Variants in DDX4 observed in about 807,000 individuals in gnomAD.
DDX4 encodes the protein DEAD-box helicase 4.
A neutral mutation model predicts 100.0 loss-of-function variants in DDX4; 25 were observed. The ratio of observed to expected loss-of-function variants is 0.25; its 90% CI spans 0.18 to 0.35. The LOEUF is 0.35. DDX4 is among the 10% of genes least tolerant of loss of function. DDX4 has a pLI of 1.00. For synonymous variants in DDX4, 259 were observed against 275.7 expected, an observed-to-expected ratio of 0.94 and a Z score of 0.60; for missense variants, 635 against 882.4, an observed-to-expected ratio of 0.72 and a Z score of 3.55.
intron 10 of DDX4, among the ~76,000 whole-genome samples, chr5:55,784,490 T>C (rs1423708425): frequency 2.0e-5 from 3 of 152,128 alleles, no homozygotes; most frequent in African/African-American, 4.8e-5. Context: ...TACCTGGGTA[T>C]CCCTTAATCT....
chr5:55,803,282 C>T (rs1743444679), intron 18 of DDX4, among the ~76,000 whole-genome samples: 1 of 151,652 alleles, frequency 6.6e-6, no homozygotes, highest in Admixed American at 6.6e-5. Flanking sequence ...ATGAACTCAT[C>T]ATTTTTTAAG....
intron 18 of DDX4, among the ~76,000 whole-genome samples, chr5:55,806,392 C>T (rs1176060808): frequency 6.6e-6 from 1 of 152,142 alleles, no homozygotes; most frequent in East Asian, 1.9e-4. Flanking sequence ...GCTCTTGCTT[C>T]TCTAGTTCTT....
chr5:55,773,155 C>A, intron 7 of DDX4: 1 of 152,756 alleles, frequency 6.5e-6, no homozygotes, highest in South Asian at 1.9e-4. Flanking sequence ...TTTCCTGGTT[C>A]ATAGATGGTG....
At position 55,785,827 on chromosome 5, in the gene DDX4, A is replaced by G. The variant is rs1275329546; in HGVS notation, c.820A>G (p.Ile274Val). 6.2e-7 allele frequency: 1 copy of G among 1,608,780 alleles called. No individual in the cohort carries two copies. Among genetic ancestry groups the G allele is most frequent in the Admixed American group, 1.7e-5 (1 of 59,988 alleles). Residue 274 changes from isoleucine (I) to valine (V), a missense_variant, in exon 13 of 22, where the codon ATT becomes GTT. Coordinates refer to ENST00000505374, the MANE Select transcript of DDX4 (RefSeq NM_024415.3). ...CATAAACTTCGACAAATACGACACT[A>G]TTCTTGTGGAAGTGTCTGGACATGA... ...TGINFDKYDT[I>V]LVEVSGHDAP...
At chr5:55,783,739 A>G (rs1286705056) in intron 10 of DDX4, among the ~76,000 whole-genome samples, 1 of 151,926 alleles carries the variant, frequency 6.6e-6, no homozygotes, top group East Asian at 1.9e-4. Context: ...GGCTCGTGAG[A>G]TTATGGAGCC....
chr5:55,788,401 A>G (rs548811055), intron 15 of DDX4, among the ~76,000 whole-genome samples: 1 of 152,332 alleles, frequency 6.6e-6, no homozygotes, highest in Non-Finnish European at 1.5e-5. Context: ...GTTTGAGTCC[A>G]GGAGTTTGAG....
intron 1 of DDX4, 56 bp from the exon 2 acceptor site, chr5:55,738,894 G>A (rs1758833554): frequency 1.0e-6 from 1 of 984,938 alleles, no homozygotes; most frequent in Non-Finnish European, 1.6e-6. Context: ...TGCTTTTAAA[G>A]TTATGATTCT....
chr5:55,753,641 A>T (rs1274938364), intron 3 of DDX4, among the ~76,000 whole-genome samples: 1 of 149,202 alleles, frequency 6.7e-6, no homozygotes, highest in Non-Finnish European at 1.5e-5. Flanking sequence ...CTTAGGATTG[A>T]CTTGGCGATG....
At chr5:55,781,516 C>T (rs1741909774) in intron 9 of DDX4, among the ~76,000 whole-genome samples, 1 of 152,130 alleles carries the variant, frequency 6.6e-6, no homozygotes, top group Admixed American at 6.5e-5. Context: ...GTGGCTCATG[C>T]CTGTAATCCC....
Position 55,817,018 on chromosome 5 carries a change from G to A in DDX4, c.*478G>A, listed in dbSNP as rs1372085775. 6.5e-6 allele frequency: 1 copy of A among 152,688 alleles called. No homozygotes were observed. The highest frequency in any genetic ancestry group is 1.5e-5 in the Non-Finnish European group (1 of 68,418). 9.5% of individuals were successfully genotyped at this position (152,688 alleles called of 1,614,324 possible). A position where few individuals can be genotyped will look rare whatever the true frequency, so the allele number is the denominator to read the frequency against. ...CCTTTCAAAGTGATTTTGATTTTTA[G>A]ATCATCAGATGTATGATGAAAATGG... is the stretch of plus-strand genomic sequence containing the variant. On this transcript the variant is annotated 3_prime_UTR_variant, in exon 22 of 22. Coordinates refer to ENST00000505374, the MANE Select transcript of DDX4 (RefSeq NM_024415.3).
At chr5:55,805,759 C>T (rs570877356) in intron 18 of DDX4, among the ~76,000 whole-genome samples, 4 of 152,224 alleles carry the variant, frequency 2.6e-5, no homozygotes, top group African/African-American at 7.2e-5. Flanking sequence ...CATCAATGTT[C>T]ATCAGGGATA....
intron 18 of DDX4, among the ~76,000 whole-genome samples, chr5:55,813,250 T>C (rs1488501284): frequency 6.6e-6 from 1 of 152,196 alleles, no homozygotes; most frequent in East Asian, 1.9e-4. Flanking sequence ...CAGATGCCAC[T>C]ATTGTAAACA....
chr5:55,793,065 T>TGTGTGTTTGTGTG (rs1160621818), intron 17 of DDX4, among the ~76,000 whole-genome samples: 302 of 149,112 alleles, frequency 2.0e-3, no homozygotes, highest in African/African-American at 7.3e-3. Context: ...TTTGTGTGTG[T>TGTGTGTTTGTGTG]TGTTGTTGTT....
At chr5:55,766,571 T>C (rs13180495) in intron 6 of DDX4, among the ~76,000 whole-genome samples, 26,666 of 152,024 alleles carry the variant, frequency 0.18, 2,618 homozygotes, top group Admixed American at 0.3. Context: ...AAAGTTGTCT[T>C]GTTAATGGCT....
At position 55,746,810 on chromosome 5, in the gene DDX4, A is replaced by G. The variant is rs114950468; in HGVS notation, c.127+589A>G. Among the ~76,000 whole-genome samples, 393 of 152,216 alleles carry G rather than the reference A, an allele frequency of 2.6e-3. 1 individual carries two copies. The highest frequency in any genetic ancestry group is 6.9e-3 in the African/African-American group (287 of 41,532). On this transcript the variant is annotated intron_variant, in intron 3 of 21. Transcript: ENST00000505374. ...TTTTCCCCTTGGGTTGTCCAACTCT[A>G]TTTTACAGAGTGGATGTAGATGGGA...
At chr5:55,754,745 A>G (rs1173480040) in intron 3 of DDX4, among the ~76,000 whole-genome samples, 2 of 150,770 alleles carry the variant, frequency 1.3e-5, no homozygotes, top group South Asian at 2.1e-4. Context: ...TTCAGAAGGA[A>G]TGGTACCAGT....
intron 8 of DDX4, among the ~76,000 whole-genome samples, chr5:55,780,495 C>T (rs1380964890): frequency 6.6e-6 from 1 of 152,094 alleles, no homozygotes; most frequent in Non-Finnish European, 1.5e-5. Context: ...ATGTATGTGC[C>T]TCTTAACAGA....
At chr5:55,739,068 G>A (rs1410171689) in intron 2 of DDX4, 36 bp downstream of exon 2, 4 of 1,262,446 alleles carry the variant, frequency 3.2e-6, no homozygotes, top group Admixed American at 1.8e-5. Flanking sequence ...TAAATGCTAC[G>A]GATTTTATCA....
At chr5:55,805,066 T>C (rs961523413) in intron 18 of DDX4, among the ~76,000 whole-genome samples, 2 of 152,078 alleles carry the variant, frequency 1.3e-5, no homozygotes, top group Non-Finnish European at 2.9e-5. Context: ...TTCCTAGGTA[T>C]TTTATTTTCT....
Sources: gnomAD v4.1 joint callset for allele counts (sites outside exome capture counted in the v4.1 genomes callset) on GRCh38, gnomAD v4.1.1 for gene constraint, MANE v1.5 for transcripts, NCBI Gene and HGNC (gene_info 2026-07-23, HGNC 2026-07-21) for gene names.